LOXL2: variants seen among roughly 807,000 people sequenced by gnomAD.
LOXL2 encodes the protein lysyl oxidase like 2.
A neutral mutation model predicts 93.0 loss-of-function variants in LOXL2; 70 were observed. The observed-to-expected ratio is 0.75, with a 90% CI of 0.62 to 0.92. The LOEUF (loss-of-function observed/expected upper bound fraction) is 0.92, where lower values mean the gene tolerates loss of function less well. LOXL2 is among the 40% of genes least tolerant of loss of function. The pLI, the probability that LOXL2 is intolerant of heterozygous loss-of-function variation, is 0.00. For missense variants in LOXL2, 973 were observed against 1,054.9 expected (o/e 0.92, Z 1.08); for synonymous variants, 438 against 413.2 (o/e 1.06, Z -0.73).
chr8:23,350,791 G>A (rs1261105088), intron 3 of LOXL2, among the ~76,000 whole-genome samples: 1 of 151,898 alleles, frequency 6.6e-6, no homozygotes, highest in Non-Finnish European at 1.5e-5. Flanking sequence ...AACACTGCTG[G>A]AAAACTGAAT....
intron 3 of LOXL2, among the ~76,000 whole-genome samples, chr8:23,342,433 CTTT>C (rs1178917449): frequency 7.3e-6 from 1 of 137,290 alleles, no homozygotes; most frequent in African/African-American, 2.8e-5. Flanking sequence ...TTTTCTTTTT[CTTT>C]TTTTTTTTTT....
At chr8:23,382,825 C>T (rs547043497) in intron 1 of LOXL2, among the ~76,000 whole-genome samples, 330 of 152,320 alleles carry the variant, frequency 2.2e-3, no homozygotes, top group Admixed American at 5.7e-3. Context: ...CTGCCTGGAT[C>T]TTTCAAGACT....
chr8:23,298,232 G>A, intron 13 of LOXL2, 110 bp from the exon 14 acceptor site: 1 of 739,714 alleles, frequency 1.4e-6, no homozygotes, highest in South Asian at 1.6e-5. Flanking sequence ...ACCTGTGTGT[G>A]CCCTCCTCAA....
At chr8:23,330,852 C>A (rs533959855) in intron 5 of LOXL2, among the ~76,000 whole-genome samples, 3 of 151,956 alleles carry the variant, frequency 2.0e-5, no homozygotes, top group African/African-American at 7.2e-5. Context: ...AGGGACATGG[C>A]GCTGTCCAGG....
intron 12 of LOXL2, among the ~76,000 whole-genome samples, chr8:23,300,339 G>C (rs1216116828): frequency 6.6e-6 from 1 of 152,232 alleles, no homozygotes; most frequent in Non-Finnish European, 1.5e-5. Context: ...GTATGTCTGT[G>C]AATCTAGGAA....
At chr8:23,325,389 A>C (rs925537586) in intron 6 of LOXL2, among the ~76,000 whole-genome samples, 3 of 152,128 alleles carry the variant, frequency 2.0e-5, no homozygotes, top group Admixed American at 6.5e-5. Context: ...TCGAGGGCTC[A>C]AGTGATCCTC....
intron 8 of LOXL2, among the ~76,000 whole-genome samples, chr8:23,318,190 C>A (rs368125103): frequency 2.3e-4 from 12 of 51,290 alleles, no homozygotes; most frequent in African/African-American, 9.3e-4. Flanking sequence ...AAAAAAAAAC[C>A]CAAAAAACCT....
chr8:23,340,487 T>G (rs1010532787), intron 4 of LOXL2, among the ~76,000 whole-genome samples: 1 of 152,202 alleles, frequency 6.6e-6, no homozygotes, highest in Admixed American at 6.5e-5. Flanking sequence ...TATTGTCAGA[T>G]TTAACTGGGA....
Position 23,317,015 on chromosome 8 carries a change from C to A in LOXL2, c.1570G>T (p.Asp524Tyr). The change falls in exon 9 of 14, where the codon GAC (aspartate) becomes TAC (tyrosine). Residue 524 changes from aspartate to tyrosine, a missense_variant. Physicochemically the swap from Asp to Tyr is radical, Grantham distance 160. Coordinates refer to ENST00000389131, the MANE Select transcript of LOXL2 (RefSeq NM_002318.3). ...TELSLAHCRH[D>Y]GEDVACPQGG... Reference sequence around the variant, plus strand: ...TGGGGGCAGGCCACGTCCTCCCCGTCGTGGCGGCAGTGCGCCAGGGACAGC... The same window carrying A: ...TGGGGGCAGGCCACGTCCTCCCCGTAGTGGCGGCAGTGCGCCAGGGACAGC... 1 of 1,614,130 alleles carries A rather than the reference C, an allele frequency of 6.2e-7. No homozygotes were observed. The highest frequency in any genetic ancestry group is 1.1e-5 in the South Asian group (1 of 91,088).
At position 23,360,080 on chromosome 8, in the gene LOXL2, C is replaced by T. The variant is rs753691584; in HGVS notation, c.531+10G>A. 3 of 1,592,356 alleles carry T rather than the reference C, an allele frequency of 1.9e-6. No homozygotes were observed. The highest frequency in any genetic ancestry group is 8.6e-7 in the Non-Finnish European group (1 of 1,161,660). Reference sequence around the variant, plus strand: ...TTGCATGAAGGAAACATCAAGAGCACATGACTTGCCTCTATCTGGTTGATC... The same window carrying T: ...TTGCATGAAGGAAACATCAAGAGCATATGACTTGCCTCTATCTGGTTGATC... On this transcript the variant is annotated intron_variant, in intron 3 of 13. Coordinates refer to ENST00000389131, the MANE Select transcript of LOXL2 (RefSeq NM_002318.3).
intron 3 of LOXL2, among the ~76,000 whole-genome samples, chr8:23,354,445 C>T (rs1804149531): frequency 6.6e-6 from 1 of 152,140 alleles, no homozygotes; most frequent in South Asian, 2.1e-4. Context: ...TGGGGAAAGT[C>T]GAGGGAGGGC....
chr8:23,395,168 C>T (rs1470305361), intron 1 of LOXL2, among the ~76,000 whole-genome samples: 2 of 152,048 alleles, frequency 1.3e-5, no homozygotes, highest in Non-Finnish European at 2.9e-5. Flanking sequence ...GCAGGAGAAT[C>T]GCTTGAACCT....
chr8:23,320,474 C>T (rs1803476068), intron 7 of LOXL2, among the ~76,000 whole-genome samples: 1 of 152,198 alleles, frequency 6.6e-6, no homozygotes, highest in Non-Finnish European at 1.5e-5. Context: ...TCCCATGGCT[C>T]TCCTGCTGGT....
chr8:23,322,868 G>A (rs1257278192), intron 6 of LOXL2, among the ~76,000 whole-genome samples: 1 of 152,214 alleles, frequency 6.6e-6, no homozygotes, highest in African/African-American at 2.4e-5. Flanking sequence ...TCAAAGATGG[G>A]TAAGGCAGGC....
chr8:23,301,128 C>T (rs1465891090), intron 12 of LOXL2, among the ~76,000 whole-genome samples: 1 of 152,224 alleles, frequency 6.6e-6, no homozygotes, highest in Non-Finnish European at 1.5e-5. Context: ...TGAATGCCCC[C>T]TCAGGAAAGC....
At chr8:23,302,240 C>T (rs1003083153) in intron 11 of LOXL2, 77 bp from the exon 12 acceptor site, 9 of 1,573,586 alleles carry the variant, frequency 5.7e-6, no homozygotes, top group South Asian at 1.1e-5. Context: ...GCTTCCAAGG[C>T]CCCTACCGCT....
chr8:23,351,752 G>A (rs1209834585), intron 3 of LOXL2, among the ~76,000 whole-genome samples: 1 of 152,170 alleles, frequency 6.6e-6, no homozygotes, highest in Non-Finnish European at 1.5e-5. Flanking sequence ...AGAACTACTT[G>A]CTTTGTGTGT....
Position 23,333,534 on chromosome 8 carries a change from C to T in LOXL2, c.833G>A (p.Gly278Asp), listed in dbSNP as rs774235127. Residue 278 changes from glycine (G) to aspartate (D), a missense_variant, in exon 5 of 14, where the codon GGC becomes GAC. By Grantham distance (94) the Gly-to-Asp change is moderately conservative (BLOSUM62 -1). Transcript: ENST00000389131. Reference protein sequence around the residue: ...TEAHISSCKLGPQVSLDPMKN... With the variant: ...TEAHISSCKLDPQVSLDPMKN... ...CATGGGGTCCAGTGACACCTGGGGGCCCAGCTTGCAGCTGGAGATGTGGGC... is the reference window on the plus strand; with the variant it reads ...CATGGGGTCCAGTGACACCTGGGGGTCCAGCTTGCAGCTGGAGATGTGGGC... The T allele has an allele frequency of 2.4e-5, 38 of 1,613,868 alleles. No homozygotes were observed. The highest frequency in any genetic ancestry group is 1.6e-4 in the Middle Eastern group (1 of 6,084).
rs1225661859 is a variant in LOXL2, at chr8:23,296,914, C to T, written c.*1129G>A. 6.6e-6 allele frequency among the ~76,000 whole-genome samples: 1 copy of T among 152,200 alleles called. No homozygotes were observed. Among genetic ancestry groups the T allele is most frequent in the African/African-American group, 2.4e-5 (1 of 41,446 alleles). ...CCTTCTGACAAGTTTCAGTAAAAAC[C>T]ACAGGAGTTCAAGAAAGATTATGAC... On this transcript the variant is annotated 3_prime_UTR_variant, in exon 14 of 14. Coordinates refer to ENST00000389131, the MANE Select transcript of LOXL2 (RefSeq NM_002318.3).
Sources: gnomAD v4.1 joint callset for allele counts (sites outside exome capture counted in the v4.1 genomes callset) on GRCh38, gnomAD v4.1.1 for gene constraint, MANE v1.5 for transcripts, NCBI Gene and HGNC (gene_info 2026-07-23, HGNC 2026-07-21) for gene names.